KCNH2: variants seen among roughly 807,000 people sequenced by gnomAD.
KCNH2 encodes potassium voltage-gated channel subfamily H member 2.
In KCNH2, 35 loss-of-function variants were observed where a neutral mutation model predicts 95.9. The ratio of observed to expected loss-of-function variants is 0.37; its 90% confidence interval spans 0.28 to 0.48. The LOEUF (loss-of-function observed/expected upper bound fraction) is 0.48, where lower values mean the gene tolerates loss of function less well. Among genes scored for constraint, KCNH2 ranks in the 20% least tolerant of loss-of-function variants. The pLI, the probability that KCNH2 is intolerant of heterozygous loss-of-function variation, is 0.99. For missense variants in KCNH2, 1,274 were observed against 1,702.9 expected, an observed-to-expected ratio of 0.75 and a Z score of 4.43; for synonymous variants, 786 against 754.7, an observed-to-expected ratio of 1.04 and a Z score of -0.68.
At position 150,950,975 on chromosome 7, in the gene KCNH2, G is replaced by A. The variant is rs968886132; in HGVS notation, c.2091C>T (p.Leu697=). The change falls in exon 8 of 15, where the codon CTC becomes CTT. Residue 697 remains leucine, a synonymous_variant. Coordinates refer to ENST00000262186, the MANE Select transcript of KCNH2 (RefSeq NM_000238.4). ...HQIPNPLRQR[L]EEYFQHAWSY... is the part of the protein sequence containing the mutation. The stretch of plus-strand genomic sequence containing the variant: ...ACCAGGCGTGCTGGAAGTACTCCTC[G>A]AGGCGCTGGCGCAGGGGATTGGGGA... 3.7e-6 allele frequency: 6 copies of A among 1,614,228 alleles called. No individual in the cohort carries two copies. Among genetic ancestry groups the A allele is most frequent in the Admixed American group, 3.3e-5 (2 of 60,034 alleles).
chr7:150,951,455 G>A lies in KCNH2; in HGVS notation c.1938C>T (p.Leu646=), dbSNP rs1276421279. 1.9e-6 allele frequency: 3 copies of A among 1,613,994 alleles called. No homozygotes were observed. Among genetic ancestry groups the A allele is most frequent in the African/African-American group, 1.3e-5 (1 of 74,948 alleles). ...GCCCCTGGGCACACTCACAGCCAAT[G>A]AGCATGACGCAGATGGAGAAGATCT... ...SEKIFSICVM[L]IGSLMYASIF... Residue 646 remains leucine (L), a synonymous_variant, in exon 7 of 15, where the codon CTC becomes CTT. Coordinates refer to ENST00000262186, the MANE Select transcript of KCNH2 (RefSeq NM_000238.4).
chr7:150,948,822 G>C, intron 10 of KCNH2, 34 bp downstream of exon 10: 1 of 1,594,096 alleles, frequency 6.3e-7, no homozygotes, highest in Non-Finnish European at 8.6e-7. Context: ...CTGGAAGCAG[G>C]AGGATGGGGT....
intron 5 of KCNH2, among the ~76,000 whole-genome samples, chr7:150,953,604 G>C (rs1801266173): frequency 1.3e-5 from 2 of 152,210 alleles, no homozygotes; most frequent in Admixed American, 1.3e-4. Context: ...CTCACACTCT[G>C]CCTCCTCCAC....
chr7:150,957,612 G>A (rs569237227), intron 4 of KCNH2, 110 bp from the exon 5 acceptor site: 2 of 807,494 alleles, frequency 2.5e-6, no homozygotes, highest in Admixed American at 4.0e-5. Flanking sequence ...GAGTCCATGG[G>A]GTCAGCTCAA....
chr7:150,968,347 A>G (rs922440325), intron 2 of KCNH2, among the ~76,000 whole-genome samples: 2 of 152,210 alleles, frequency 1.3e-5, no homozygotes, highest in African/African-American at 4.8e-5. Flanking sequence ...AGTTGGAGAC[A>G]TTGTGGGGTC....
At chr7:150,954,251 A>G (rs2116980518) in intron 5 of KCNH2, among the ~76,000 whole-genome samples, 1 of 151,706 alleles carries the variant, frequency 6.6e-6, no homozygotes, top group African/African-American at 2.4e-5. Context: ...GTGGCCCTTC[A>G]GTGATCAAGT....
At chr7:150,958,590 G>T in intron 3 of KCNH2, 88 bp from the exon 4 acceptor site, 3 of 1,157,630 alleles carry the variant, frequency 2.6e-6, no homozygotes, top group Non-Finnish European at 3.5e-6. Flanking sequence ...CAGCCGCTGG[G>T]TAAGGGAAGG....
intron 5 of KCNH2, 85 bp downstream of exon 5, chr7:150,957,206 C>T: frequency 8.5e-7 from 1 of 1,170,556 alleles, no homozygotes; most frequent in Non-Finnish European, 1.2e-6. Flanking sequence ...TAGCCCCCTC[C>T]ACCCGGCTCT....
Position 150,949,933 on chromosome 7 carries a change from C to T in KCNH2, c.2398+235G>A, listed in dbSNP as rs971751063. ...GGAAGCAAAAAGTGTCTGTTTGTGG[C>T]GGATCCTGAAGGGAAGGAGAATGTG... On this transcript the variant is annotated intron_variant, in intron 9 of 14. Transcript: ENST00000262186. The T allele has an allele frequency of 5.3e-6, 8 of 1,521,744 alleles. No homozygotes were observed. Among genetic ancestry groups the T allele is most frequent in the South Asian group, 3.6e-5 (3 of 82,590 alleles). The allele number at this position is 1,521,744 out of a possible 1,614,324, so 94.3% of individuals were successfully genotyped here. A position where few individuals can be genotyped will look rare whatever the true frequency, so the allele number is the denominator to read the frequency against.
chr7:150,966,389 CCCCACA>C lies in KCNH2; in HGVS notation c.308-6659_308-6654del, dbSNP rs1365154881. ...CTCATTGATTTGCCCCCTCCCCCCC[CCCCACA>C]CACACACACACACAGGACACTGTGA... On this transcript the variant is annotated intron_variant, in intron 2 of 14. Transcript: ENST00000262186. 4.0e-4 allele frequency among the ~76,000 whole-genome samples: 25 copies of C among 61,860 alleles called. 2 individuals are homozygous for C. The highest frequency in any genetic ancestry group is 2.5e-3 in the African/African-American group (25 of 10,194). 40.6% of individuals were successfully genotyped at this position (61,860 alleles called of 152,430 possible). A position where few individuals can be genotyped will look rare whatever the true frequency, so the allele number is the denominator to read the frequency against.
chr7:150,971,437 T>C (rs1394015514), intron 2 of KCNH2, among the ~76,000 whole-genome samples: 1 of 152,082 alleles, frequency 6.6e-6, no homozygotes, highest in Non-Finnish European at 1.5e-5. Context: ...GGCCTGCAGC[T>C]GGAGTGGAGA....
chr7:150,947,853 C>A lies in KCNH2; in HGVS notation c.2718G>T (p.Ser906=). The A allele has an allele frequency of 6.5e-7, 1 of 1,528,188 alleles. No homozygotes were observed. Among genetic ancestry groups the A allele is most frequent in the Non-Finnish European group, 8.7e-7 (1 of 1,143,390 alleles). The allele number at this position is 1,528,188 out of a possible 1,614,324, so 94.7% of individuals were successfully genotyped here. A position where few individuals can be genotyped will look rare whatever the true frequency, so the allele number is the denominator to read the frequency against. ...CCCCCGCCCGGCCCGGCCCCAAGGC[C>A]GACACCTCCCCTGGCTGCTCCGTGT... is the stretch of plus-strand genomic sequence containing the variant. ...DKDTEQPGEV[S]ALGPGRAGAG... The change falls in exon 12 of 15, where the codon TCG becomes TCT. Residue 906 remains serine (S), a synonymous_variant. Coordinates refer to ENST00000262186, the MANE Select transcript of KCNH2 (RefSeq NM_000238.4).
rs1166658971 is a variant in KCNH2 at position 150,962,457 on chromosome 7, C to T, written c.308-2721G>A. On this transcript the variant is annotated intron_variant, in intron 2 of 14. Coordinates refer to ENST00000262186, the MANE Select transcript of KCNH2 (RefSeq NM_000238.4). This position sits in a 1 kb window ranked among gnomAD's most constrained non-coding sequence, Gnocchi z 5.7. ...CAACCTTGAGACCTCAGCAGCCCGTCCCCTCTTCAGCTCAAGCTGCTCAGC... is the reference window on the plus strand; with the variant it reads ...CAACCTTGAGACCTCAGCAGCCCGTTCCCTCTTCAGCTCAAGCTGCTCAGC... 6.6e-6 allele frequency among the ~76,000 whole-genome samples: 1 copy of T among 152,158 alleles called. No individual in the cohort carries two copies. The highest frequency in any genetic ancestry group is 1.5e-5 in the Non-Finnish European group (1 of 68,030).
At chr7:150,949,675 G>A (rs756247931) in intron 9 of KCNH2, 4 of 1,145,106 alleles carry the variant, frequency 3.5e-6, no homozygotes, top group African/African-American at 1.6e-5. Context: ...ACAGGCAAAG[G>A]GGGAGGAAGT....
In KCNH2 at chr7:150,974,697, C is replaced by T. The variant is rs763393992; in HGVS notation, c.307+14G>A. On this transcript the variant is annotated intron_variant, in intron 2 of 14. Transcript: ENST00000262186. ...CCCGCCCCTGGTCGTGGCCCCGCCC[C>T]GGCCCGCTCCTACCATCTTTCCGGT... 2.1e-5 allele frequency: 33 copies of T among 1,573,284 alleles called. No individual in the cohort carries two copies. Among genetic ancestry groups the T allele is most frequent in the East Asian group, 7.0e-5 (3 of 42,660 alleles).
intron 5 of KCNH2, chr7:150,955,748 C>A: frequency 1.6e-6 from 2 of 1,266,750 alleles, no homozygotes; most frequent in South Asian, 2.9e-5. Context: ...GTGGCGTGGG[C>A]CCTGCTGCCA....
chr7:150,956,672 T>C (rs1283899276), intron 5 of KCNH2, among the ~76,000 whole-genome samples: 1 of 152,168 alleles, frequency 6.6e-6, no homozygotes, highest in Non-Finnish European at 1.5e-5. Flanking sequence ...TTCAGGGACC[T>C]GACCCTTCCA....
At chr7:150,950,812 T>C in intron 8 of KCNH2, 109 bp downstream of exon 8, 1 of 1,181,844 alleles carries the variant, frequency 8.5e-7, no homozygotes, top group Non-Finnish European at 1.2e-6. Flanking sequence ...CCAGGGTCCT[T>C]ACTACTGACT....
rs757935770 is a variant in KCNH2 at position 150,959,585 on chromosome 7, G to C, written c.459C>G (p.Ser153Arg). The C allele has an allele frequency of 6.2e-7, 1 of 1,613,970 alleles. No individual in the cohort carries two copies. The highest frequency in any genetic ancestry group is 8.5e-7 in the Non-Finnish European group (1 of 1,179,986). The change falls in exon 3 of 15, where the codon AGC (serine) becomes AGG (arginine). Residue 153 changes from serine to arginine, a missense_variant. Physicochemically the swap from Ser to Arg is moderately radical, Grantham distance 110. Coordinates refer to ENST00000262186, the MANE Select transcript of KCNH2 (RefSeq NM_000238.4). ...HDTNHRGPPTSWLAPGRAKTF... is the reference protein window; with the variant it reads ...HDTNHRGPPTRWLAPGRAKTF... ...AAGTACACTTACCTGGGGCCAGCCA[G>C]CTGGTGGGGGGGCCCCGGTGGTTGG...
Sources: gnomAD v4.1 joint callset for allele counts (sites outside exome capture counted in the v4.1 genomes callset) on GRCh38, gnomAD v4.1.1 for gene constraint, Gnocchi (gnomAD v3.1) non-coding constraint, MANE v1.5 for transcripts, NCBI Gene and HGNC (gene_info 2026-07-23, HGNC 2026-07-21) for gene names.